Variants in CYYR1 observed in about 807,000 individuals in gnomAD.
CYYR1 encodes cysteine and tyrosine-rich protein 1.
CYYR1 carries 14 observed loss-of-function variants against 15.2 expected under a neutral mutation model. The observed-to-expected ratio is 0.92, with a 90% CI of 0.61 to 1.44. The LOEUF (loss-of-function observed/expected upper bound fraction) is 1.44. CYYR1 is among the 40% of genes most tolerant of loss of function. CYYR1 has a pLI of 0.00. For synonymous variants in CYYR1, 80 were observed against 77.4 expected (o/e 1.03, Z -0.18); for missense variants, 228 against 209.5 (o/e 1.09, Z -0.54).
At chr21:26,549,110 A>G (rs1979191462) in intron 2 of CYYR1, among the ~76,000 whole-genome samples, 2 of 152,190 alleles carry the variant, frequency 1.3e-5, no homozygotes, top group Non-Finnish European at 2.9e-5. Flanking sequence ...TAATTGAAAC[A>G]CATAGGGGTT....
intron 2 of CYYR1, among the ~76,000 whole-genome samples, chr21:26,492,221 T>A (rs1048651890): frequency 5.9e-5 from 9 of 152,244 alleles, no homozygotes; most frequent in Non-Finnish European, 1.0e-4. Flanking sequence ...TTTATGTCTA[T>A]CCATTAGATC....
intron 2 of CYYR1, among the ~76,000 whole-genome samples, chr21:26,523,776 A>G (rs1313178256): frequency 6.6e-6 from 1 of 151,960 alleles, no homozygotes; most frequent in African/African-American, 2.4e-5. Context: ...GGCTGCCCAA[A>G]CTCATCACAC....
At chr21:26,564,800 C>A in intron 2 of CYYR1, 1 of 1,245,992 alleles carries the variant, frequency 8.0e-7, no homozygotes, top group South Asian at 1.4e-5. Context: ...AAGTTATACT[C>A]GCACCTCTAC....
At position 26,466,546 on chromosome 21, in the gene CYYR1, T is replaced by C. The variant is rs537883702; in HGVS notation, c.*1955A>G. ...TTCTATTTGGGGAAAATTTGCAGAA[T>C]ATAGGAGGTACGCAATAAATGTTTA... On this transcript the variant is annotated 3_prime_UTR_variant, in exon 4 of 4. Transcript: ENST00000652641. 1 of 152,284 alleles carries C rather than the reference T, an allele frequency of 6.6e-6. No homozygotes were observed. The highest frequency in any genetic ancestry group is 1.5e-5 in the Non-Finnish European group (1 of 68,006). The allele number at this position is 152,284 out of a possible 1,614,324, so 9.4% of individuals were successfully genotyped here.
chr21:26,538,358 A>T (rs1400410818), intron 2 of CYYR1, among the ~76,000 whole-genome samples: 1 of 152,186 alleles, frequency 6.6e-6, no homozygotes, highest in Non-Finnish European at 1.5e-5. Context: ...AATATTTTCC[A>T]ATTATCTGTT....
At chr21:26,490,775 C>A (rs886421177) in intron 2 of CYYR1, among the ~76,000 whole-genome samples, 1 of 152,166 alleles carries the variant, frequency 6.6e-6, no homozygotes, top group Non-Finnish European at 1.5e-5. Flanking sequence ...ATTTCCACCA[C>A]GGAGCTGAGT....
chr21:26,513,873 A>G (rs1238618379), intron 2 of CYYR1, among the ~76,000 whole-genome samples: 2 of 133,502 alleles, frequency 1.5e-5, no homozygotes, highest in Admixed American at 1.8e-4. Flanking sequence ...ATGAGAACAC[A>G]TGGACACAGG....
At chr21:26,495,360 C>T (rs994405006) in intron 2 of CYYR1, among the ~76,000 whole-genome samples, 1 of 152,176 alleles carries the variant, frequency 6.6e-6, no homozygotes, top group Non-Finnish European at 1.5e-5. Context: ...AATATCTGCG[C>T]TAGGCTCTAC....
intron 2 of CYYR1, among the ~76,000 whole-genome samples, chr21:26,531,325 A>G (rs947719923): frequency 2.0e-5 from 3 of 152,062 alleles, no homozygotes; most frequent in African/African-American, 4.8e-5. Context: ...TTCCCATAAA[A>G]ATAATGTCTA....
Position 26,573,097 on chromosome 21 carries a change from G to A in CYYR1, c.-157C>T. ...TAGGGAGCCTTCCAAGGGAGCCCGG[G>A]CCGGGCGCGTCCCGGGCCAGCGACT... is the stretch of plus-strand genomic sequence containing the variant. On this transcript the variant is annotated 5_prime_UTR_variant, in exon 1 of 4. Transcript: ENST00000652641. The A allele has an allele frequency of 2.0e-6, 3 of 1,524,110 alleles. No individual in the cohort carries two copies. Among genetic ancestry groups the A allele is most frequent in the Non-Finnish European group, 1.8e-6 (2 of 1,139,968 alleles). The allele number at this position is 1,524,110 out of a possible 1,614,324, so 94.4% of individuals were successfully genotyped here.
chr21:26,508,066 A>G (rs563575020), intron 2 of CYYR1, among the ~76,000 whole-genome samples: 5 of 152,318 alleles, frequency 3.3e-5, no homozygotes, highest in Admixed American at 2.0e-4. Context: ...AAATGAGACA[A>G]TGTATAAACA....
At chr21:26,480,249 C>A (rs768002809) in intron 3 of CYYR1, 23 bp downstream of exon 3, 12 of 1,589,246 alleles carry the variant, frequency 7.6e-6, no homozygotes, top group Admixed American at 7.2e-5. Context: ...TCTGAGCCTT[C>A]GAGAGTCAAC....
At chr21:26,569,598 G>A (rs2123747850) in intron 1 of CYYR1, among the ~76,000 whole-genome samples, 1 of 152,242 alleles carries the variant, frequency 6.6e-6, no homozygotes, top group South Asian at 2.1e-4. Context: ...AATTAAAGAA[G>A]TTGAAATTAT....
chr21:26,492,676 G>A (rs1000734661), intron 2 of CYYR1, among the ~76,000 whole-genome samples: 4 of 151,230 alleles, frequency 2.6e-5, no homozygotes, highest in Admixed American at 6.6e-5. Context: ...GTGAGGCTAC[G>A]AAGAGTTCTA....
intron 2 of CYYR1, among the ~76,000 whole-genome samples, chr21:26,502,212 G>A (rs2065490318): frequency 6.6e-6 from 1 of 151,864 alleles, no homozygotes; most frequent in Admixed American, 6.6e-5. Flanking sequence ...CAGAAATTGA[G>A]TCAAGCCAAA....
chr21:26,496,399 T>C (rs1017763601), intron 2 of CYYR1, among the ~76,000 whole-genome samples: 4 of 152,102 alleles, frequency 2.6e-5, no homozygotes, highest in African/African-American at 9.7e-5. Context: ...AAAAAAGAGG[T>C]AATGACTTAA....
intron 2 of CYYR1, among the ~76,000 whole-genome samples, chr21:26,508,749 A>T (rs2065604047): frequency 6.6e-6 from 1 of 152,168 alleles, no homozygotes; most frequent in Non-Finnish European, 1.5e-5. Flanking sequence ...ATGATTTACT[A>T]TGGAGATTCT....
intron 2 of CYYR1, among the ~76,000 whole-genome samples, chr21:26,548,079 A>C (rs2123675068): frequency 6.6e-6 from 1 of 152,288 alleles, no homozygotes; most frequent in African/African-American, 2.4e-5. Context: ...AGCTTTGTAA[A>C]TTTGTTTGGG....
intron 2 of CYYR1, among the ~76,000 whole-genome samples, chr21:26,481,889 A>G (rs1304192338): frequency 6.6e-6 from 1 of 152,088 alleles, no homozygotes; most frequent in East Asian, 1.9e-4. Flanking sequence ...AATAATTGCC[A>G]TGAGGTAAAA....
Sources: gnomAD v4.1 joint callset for allele counts (sites outside exome capture counted in the v4.1 genomes callset) on GRCh38, gnomAD v4.1.1 for gene constraint, MANE v1.5 for transcripts, NCBI Gene and HGNC (gene_info 2026-07-23, HGNC 2026-07-21) for gene names.